The following ATXN1 variants were observed in gnomAD, a reference collection of about 807,000 sequenced individuals.
The protein encoded by ATXN1 is ataxin-1.
In ATXN1, 8 loss-of-function variants were observed where a neutral mutation model predicts 56.4. The ratio of observed to expected loss-of-function variants is 0.14; its 90% CI spans 0.08 to 0.26. ATXN1 has a LOEUF of 0.26. Among genes scored for constraint, ATXN1 ranks in the 10% least tolerant of loss-of-function variants. ATXN1 has a pLI of 1.00. For synonymous variants in ATXN1, 514 were observed against 494.6 expected (o/e 1.04, Z -0.52); for missense variants, 987 against 1,106.5 (o/e 0.89, Z 1.53).
At chr6:16,387,207 A>G (rs9464884) in intron 6 of ATXN1, among the ~76,000 whole-genome samples, 18,332 of 152,020 alleles carry the variant, frequency 0.12, 1,179 homozygotes, top group African/African-American at 0.15. Context: ...CAGCACTCTC[A>G]ACTAACCATG....
At chr6:16,528,985 C>T (rs896871067) in intron 4 of ATXN1, among the ~76,000 whole-genome samples, 3 of 152,068 alleles carry the variant, frequency 2.0e-5, no homozygotes, top group African/African-American at 7.2e-5. Context: ...TCGAGACCAG[C>T]CTGGGCAACA....
At chr6:16,445,858 A>C (rs1464714904) in intron 6 of ATXN1, among the ~76,000 whole-genome samples, 3 of 150,762 alleles carry the variant, frequency 2.0e-5, no homozygotes, top group African/African-American at 4.9e-5. Flanking sequence ...TGAACTCATC[A>C]TTTTTTATGG....
chr6:16,462,666 C>T (rs1324687337), intron 6 of ATXN1, among the ~76,000 whole-genome samples: 6 of 152,182 alleles, frequency 3.9e-5, no homozygotes, highest in Non-Finnish European at 7.3e-5. Flanking sequence ...TCACCTATTA[C>T]ATGAGCAATG....
At position 16,548,619 on chromosome 6, in the gene ATXN1, C is replaced by CT. The variant is rs909625018; in HGVS notation, c.-360-25932dup. Among the ~76,000 whole-genome samples, 462 of 149,740 alleles carry CT rather than the reference C, an allele frequency of 3.1e-3. 2 individuals are homozygous for CT. The highest frequency in any genetic ancestry group is 6.8e-3 in the Middle Eastern group (2 of 294). ...ATTTTCATTTTTAAAAAATTTTAAA[C>CT]TTTTTTTTTTAAAACAATACTAAGG... On this transcript the variant is annotated intron_variant, in intron 4 of 7. Coordinates refer to ENST00000436367, the MANE Select transcript of ATXN1 (RefSeq NM_001128164.2).
At chr6:16,596,292 G>A (rs760978752) in intron 3 of ATXN1, among the ~76,000 whole-genome samples, 5 of 152,132 alleles carry the variant, frequency 3.3e-5, no homozygotes, top group African/African-American at 4.8e-5. Context: ...ACCGTGCCCA[G>A]CCTCAGACCT....
chr6:16,546,136 T>C (rs1761810487), intron 4 of ATXN1, among the ~76,000 whole-genome samples: 1 of 152,168 alleles, frequency 6.6e-6, no homozygotes, highest in Non-Finnish European at 1.5e-5. Context: ...AAGGTGTGCA[T>C]TTTAGAAGCA....
chr6:16,604,103 G>C (rs1471379337), intron 3 of ATXN1, among the ~76,000 whole-genome samples: 1 of 152,028 alleles, frequency 6.6e-6, no homozygotes, highest in African/African-American at 2.4e-5. Flanking sequence ...CGTAAAGGGG[G>C]GATTCCTCAA....
intron 3 of ATXN1, among the ~76,000 whole-genome samples, chr6:16,588,251 C>T (rs565811717): frequency 1.3e-5 from 2 of 152,224 alleles, no homozygotes; most frequent in Non-Finnish European, 2.9e-5. Flanking sequence ...TCCACCCTGC[C>T]ACCCTACTAC....
chr6:16,759,480 G>GCCTTTCTT (rs1338663883), intron 1 of ATXN1, among the ~76,000 whole-genome samples: 1 of 136,346 alleles, frequency 7.3e-6, no homozygotes, highest in African/African-American at 2.8e-5. Context: ...AAAATAGCTT[G>GCCTTTCTT]CCTTTCTTGT....
intron 4 of ATXN1, among the ~76,000 whole-genome samples, chr6:16,543,652 A>AAAGAG (rs535769427): frequency 2.1e-5 from 3 of 143,566 alleles, no homozygotes; most frequent in African/African-American, 7.8e-5. Flanking sequence ...AAAAAAAAAA[A>AAAGAG]AGAGAGAGAG....
intron 3 of ATXN1, among the ~76,000 whole-genome samples, chr6:16,609,638 C>T (rs1650406605): frequency 6.6e-6 from 1 of 152,178 alleles, no homozygotes; most frequent in African/African-American, 2.4e-5. Flanking sequence ...CCTAATGGTA[C>T]AGAGATTATT....
intron 2 of ATXN1, among the ~76,000 whole-genome samples, chr6:16,679,715 A>G (rs1218656996): frequency 1.3e-5 from 2 of 152,358 alleles, no homozygotes; most frequent in East Asian, 3.9e-4. Flanking sequence ...AAGTCTGTAC[A>G]TTCAAACCAT....
At chr6:16,582,126 A>G (rs751424276) in intron 4 of ATXN1, among the ~76,000 whole-genome samples, 2 of 152,066 alleles carry the variant, frequency 1.3e-5, no homozygotes, top group African/African-American at 2.4e-5. Flanking sequence ...TCAGTCCCTG[A>G]CTATTCTCTG....
rs531734411 is a variant in ATXN1 at position 16,367,824 on chromosome 6, G to T, written c.-160-39354C>A. 4.3e-4 allele frequency among the ~76,000 whole-genome samples: 65 copies of T among 152,178 alleles called. 1 individual carries two copies. The South Asian group carries it at 0.013, about 31-fold the overall frequency. ...AAATGTGGTATGGTTCCTCTGGCAA[G>T]TGTCTTTGGAAAGGGGGTAGGTCCT... is the stretch of plus-strand genomic sequence containing the variant. On this transcript the variant is annotated intron_variant, in intron 6 of 7. Coordinates refer to ENST00000436367, the MANE Select transcript of ATXN1 (RefSeq NM_001128164.2).
In ATXN1 at chr6:16,326,748, C is replaced by G. The variant is rs528819863; in HGVS notation, c.1563G>C (p.Thr521=). Residue 521 remains threonine, a synonymous_variant, in exon 7 of 8, where the codon ACG becomes ACC. Transcript: ENST00000436367. The surrounding 1 kb of genome is among the most constrained non-coding windows in gnomAD (Gnocchi z 6.6). ...SSPQFAAVPH[T]FVTTALPKSE... ...TCTTGGGAAGGGCGGTGGTGACGAA[C>G]GTGTGAGGCACTGCAGCAAACTGGG... The G allele has an allele frequency of 6.2e-7, 1 of 1,613,614 alleles. No homozygotes were observed. The highest frequency in any genetic ancestry group is 8.5e-7 in the Non-Finnish European group (1 of 1,179,944).
At chr6:16,494,457 T>C (rs1161428475) in intron 5 of ATXN1, among the ~76,000 whole-genome samples, 1 of 152,216 alleles carries the variant, frequency 6.6e-6, no homozygotes, top group Non-Finnish European at 1.5e-5. Context: ...GAGATAAATA[T>C]GCTGGAAAAA....
intron 5 of ATXN1, among the ~76,000 whole-genome samples, chr6:16,499,584 T>C (rs1197524180): frequency 6.6e-6 from 1 of 152,176 alleles, no homozygotes; most frequent in African/African-American, 2.4e-5. Context: ...GCCTCTGTGT[T>C]TGTGCCCCTC....
intron 3 of ATXN1, among the ~76,000 whole-genome samples, chr6:16,589,836 TA>T (rs1215958867): frequency 6.6e-6 from 1 of 152,184 alleles, no homozygotes; most frequent in Admixed American, 6.5e-5. Context: ...TGTAAGAACA[TA>T]AAATGCCTAG....
At chr6:16,369,995 T>C (rs1276786628) in intron 6 of ATXN1, among the ~76,000 whole-genome samples, 3 of 152,136 alleles carry the variant, frequency 2.0e-5, no homozygotes, top group Admixed American at 2.0e-4. Flanking sequence ...AAAGAGAACA[T>C]CTGCATCTTC....
Sources: allele counts gnomAD v4.1 joint callset (sites outside exome capture counted in the v4.1 genomes callset), GRCh38; gene constraint gnomAD v4.1.1; non-coding constraint Gnocchi (gnomAD v3.1); transcripts MANE v1.5; gene names NCBI Gene and HGNC (gene_info 2026-07-23, HGNC 2026-07-21).